UNC5D: variants seen among roughly 807,000 people sequenced by gnomAD.
UNC5D encodes the protein netrin receptor UNC5D.
A neutral mutation model predicts 105.4 loss-of-function variants in UNC5D; 39 were observed. The ratio of observed to expected loss-of-function variants is 0.37; its 90% CI spans 0.29 to 0.48. The LOEUF (loss-of-function observed/expected upper bound fraction) is 0.48. UNC5D is among the 20% of genes least tolerant of loss of function. The probability of loss-of-function intolerance (pLI) is 0.98; values close to 1 mark genes in which losing one functional copy is unlikely to be tolerated. For synonymous variants in UNC5D, 452 were observed against 450.4 expected, an observed-to-expected ratio of 1.00 and a Z score of -0.04; for missense variants, 991 against 1,202.4, an observed-to-expected ratio of 0.82 and a Z score of 2.60.
At chr8:35,735,666 CT>C (rs899718179) in intron 11 of UNC5D, among the ~76,000 whole-genome samples, 1 of 152,212 alleles carries the variant, frequency 6.6e-6, no homozygotes, top group Non-Finnish European at 1.5e-5. Context: ...CAAAAAGAAT[CT>C]AGCTCTGGAA....
intron 4 of UNC5D, among the ~76,000 whole-genome samples, chr8:35,667,596 T>G (rs1824509783): frequency 6.6e-6 from 1 of 152,154 alleles, no homozygotes; most frequent in Admixed American, 6.6e-5. Context: ...ATACAGAAAA[T>G]TATAGCAATC....
intron 1 of UNC5D, among the ~76,000 whole-genome samples, chr8:35,507,603 G>A (rs895043585): frequency 3.4e-4 from 52 of 152,106 alleles, no homozygotes; most frequent in African/African-American, 1.2e-3. Context: ...CCAAAGGCTG[G>A]GAAGAGTAGT....
At chr8:35,546,547 A>G (rs1034631931) in intron 1 of UNC5D, among the ~76,000 whole-genome samples, 1 of 152,168 alleles carries the variant, frequency 6.6e-6, no homozygotes, top group African/African-American at 2.4e-5. Flanking sequence ...TTGGGTATGT[A>G]TTGTTTATCA....
rs150886923 is a variant in UNC5D, at chr8:35,442,885, T to TTCTCTC, written c.104-106392_104-106387dup. On this transcript the variant is annotated intron_variant, in intron 1 of 16. Coordinates refer to ENST00000404895, the MANE Select transcript of UNC5D (RefSeq NM_080872.4). ...TCTCTCTCTCTCTCTCTCTCTCTGT[T>TTCTCTC]TCTCTCTCTCTCTCTCTCTCACACA... Among the ~76,000 whole-genome samples, 583 of 135,636 alleles carry TTCTCTC rather than the reference T, an allele frequency of 4.3e-3. 4 individuals carry two copies. Among genetic ancestry groups the TTCTCTC allele is most frequent in the Non-Finnish European group, 6.4e-3 (398 of 62,234 alleles). The allele number at this position is 135,636 out of a possible 152,430, so 89.0% of individuals were successfully genotyped here. A position where few individuals can be genotyped will look rare whatever the true frequency, so the allele number is the denominator to read the frequency against.
chr8:35,555,250 G>T (rs898850111), intron 2 of UNC5D, among the ~76,000 whole-genome samples: 1 of 152,106 alleles, frequency 6.6e-6, no homozygotes. Context: ...ACTTCTCAGA[G>T]AAGACTGACA....
intron 4 of UNC5D, among the ~76,000 whole-genome samples, chr8:35,619,179 TAAC>T (rs1821204653): frequency 6.6e-6 from 1 of 152,178 alleles, no homozygotes; most frequent in African/African-American, 2.4e-5. Context: ...ATAATAATCA[TAAC>T]AGCATTAATA....
intron 4 of UNC5D, among the ~76,000 whole-genome samples, chr8:35,636,229 T>C (rs1822363497): frequency 6.6e-6 from 1 of 152,164 alleles, no homozygotes; most frequent in African/African-American, 2.4e-5. Context: ...GGTCGAATGA[T>C]GGGTTTTGTA....
rs575883749 is a variant in UNC5D, at chr8:35,427,586, G to C, written c.104-121706G>C. ...CTTTGAAGAATGAGTAGGGATATTAGATATAGATGATGAAACATTGATAAA... is the reference window on the plus strand; with the variant it reads ...CTTTGAAGAATGAGTAGGGATATTACATATAGATGATGAAACATTGATAAA... On this transcript the variant is annotated intron_variant, in intron 1 of 16. Transcript: ENST00000404895. Among the ~76,000 whole-genome samples, 35 of 152,296 alleles carry C rather than the reference G, an allele frequency of 2.3e-4. No individual in the cohort carries two copies. The South Asian group carries it at 5.2e-3, about 23-fold the overall frequency.
intron 11 of UNC5D, among the ~76,000 whole-genome samples, chr8:35,745,555 A>G (rs1385700593): frequency 6.6e-6 from 1 of 152,246 alleles, no homozygotes; most frequent in Non-Finnish European, 1.5e-5. Context: ...ATGACAATGT[A>G]TGACAATTGC....
chr8:35,301,219 C>G (rs117655527), intron 1 of UNC5D, among the ~76,000 whole-genome samples: 346 of 152,226 alleles, frequency 2.3e-3, no homozygotes, highest in Non-Finnish European at 3.8e-3. Context: ...AGGATAAGGA[C>G]ATGTTGAAAG....
intron 1 of UNC5D, among the ~76,000 whole-genome samples, chr8:35,348,506 A>G (rs2128908104): frequency 6.6e-6 from 1 of 150,662 alleles, no homozygotes; most frequent in Non-Finnish European, 1.5e-5. Flanking sequence ...TTGGAGCTTT[A>G]GATTACCCTA....
intron 3 of UNC5D, among the ~76,000 whole-genome samples, chr8:35,576,528 A>C (rs1014225098): frequency 1.3e-5 from 2 of 152,212 alleles, no homozygotes; most frequent in Non-Finnish European, 2.9e-5. Context: ...TAGGCAAGGA[A>C]TACATGTCTG....
At chr8:35,422,223 G>A (rs1263312139) in intron 1 of UNC5D, among the ~76,000 whole-genome samples, 2 of 152,156 alleles carry the variant, frequency 1.3e-5, no homozygotes, top group Non-Finnish European at 2.9e-5. Flanking sequence ...GCCAAAGTTG[G>A]ACTGCTTATT....
intron 6 of UNC5D, among the ~76,000 whole-genome samples, chr8:35,685,764 G>A (rs1825964982): frequency 6.6e-6 from 1 of 152,172 alleles, no homozygotes; most frequent in Non-Finnish European, 1.5e-5. Context: ...GGATAAGTTG[G>A]CAGATCCAAG....
At chr8:35,348,932 C>A (rs1812005063) in intron 1 of UNC5D, among the ~76,000 whole-genome samples, 1 of 151,672 alleles carries the variant, frequency 6.6e-6, no homozygotes, top group Non-Finnish European at 1.5e-5. Context: ...CATTTAGAAA[C>A]AATAAAACCC....
intron 4 of UNC5D, among the ~76,000 whole-genome samples, chr8:35,663,693 G>A: frequency 6.6e-6 from 1 of 152,052 alleles, no homozygotes; most frequent in East Asian, 1.9e-4. Flanking sequence ...AAGAGAGAAT[G>A]ATTTATAAAA....
intron 2 of UNC5D, among the ~76,000 whole-genome samples, chr8:35,552,233 A>G (rs935113565): frequency 2.6e-5 from 4 of 152,174 alleles, no homozygotes; most frequent in Admixed American, 2.6e-4. Context: ...TAACAGCCCT[A>G]TTTTATACAT....
In UNC5D at chr8:35,377,629, T is replaced by C. The variant is rs369404820; in HGVS notation, c.103+141742T>C. Among the ~76,000 whole-genome samples, 102 of 152,278 alleles carry C rather than the reference T, an allele frequency of 6.7e-4. 2 individuals carry two copies. The South Asian group carries it at 0.01, about 15-fold the overall frequency. On this transcript the variant is annotated intron_variant, in intron 1 of 16. Transcript: ENST00000404895. ...TGAGTTCCTTTGATTCATCTGCCCT[T>C]GTTCCCTAGTTTGTCTGTGTTTACA...
chr8:35,757,588 C>T (rs1209068863), intron 13 of UNC5D, among the ~76,000 whole-genome samples: 1 of 152,128 alleles, frequency 6.6e-6, no homozygotes, highest in East Asian at 1.9e-4. Context: ...GTAATAGATA[C>T]TATATTAGAA....
Sources: allele counts gnomAD v4.1 joint callset (sites outside exome capture counted in the v4.1 genomes callset), GRCh38; gene constraint gnomAD v4.1.1; transcripts MANE v1.5; gene names NCBI Gene and HGNC (gene_info 2026-07-23, HGNC 2026-07-21).